NHSL3: variants seen among roughly 807,000 people sequenced by gnomAD.
NHSL3 encodes NHS like 3.
At chr1:32,771,420 A>G in the NHSL3 span, 1 of 1,307,616 alleles carries the variant, frequency 7.6e-7, no homozygotes, top group Non-Finnish European at 1.0e-6. Context: ...CTAAGAAGCC[A>G]GAGGTGGTTG....
At chr1:32,747,071 G>A in the NHSL3 span, among the ~76,000 whole-genome samples, 1 of 152,162 alleles carries the variant, frequency 6.6e-6, no homozygotes, top group African/African-American at 2.4e-5. Flanking sequence ...CTTTCATGGT[G>A]TGGAGTTGTG....
chr1:32,765,734 G>T, the NHSL3 span: 3 of 1,546,652 alleles, frequency 1.9e-6, no homozygotes, highest in Non-Finnish European at 2.6e-6. Flanking sequence ...GAGAGGCAGG[G>T]TGGGATAGGG....
chr1:32,755,419 T>A, the NHSL3 span, among the ~76,000 whole-genome samples: 2 of 152,066 alleles, frequency 1.3e-5, no homozygotes, highest in Admixed American at 6.6e-5. Context: ...GATGATCTCA[T>A]CGCTCCATGG....
chr1:32,774,038 C>T, the NHSL3 span: 1 of 152,576 alleles, frequency 6.6e-6, no homozygotes, highest in East Asian at 1.9e-4. Context: ...GGTGGTGGTC[C>T]CCTAGGTATC....
At chr1:32,756,473 C>CCT in the NHSL3 span, among the ~76,000 whole-genome samples, 11 of 102,832 alleles carry the variant, frequency 1.1e-4, 2 homozygotes, top group Admixed American at 8.2e-4. Flanking sequence ...TGACGAGACC[C>CCT]CCCCCCCCCG....
chr1:32,771,977 C>T, the NHSL3 span: 26 of 1,605,834 alleles, frequency 1.6e-5, no homozygotes, highest in South Asian at 1.2e-4. Context: ...CTCCATGCTG[C>T]GGTCCGACTC....
chr1:32,752,221 C>T, the NHSL3 span, among the ~76,000 whole-genome samples: 1 of 152,002 alleles, frequency 6.6e-6, no homozygotes, highest in African/African-American at 2.4e-5. Flanking sequence ...CTGTTGTCAA[C>T]CTGAGACTCT....
At chr1:32,765,758 G>A in the NHSL3 span, 2 of 1,547,452 alleles carry the variant, frequency 1.3e-6, no homozygotes, top group Non-Finnish European at 1.7e-6. Flanking sequence ...GTCTCGAGTG[G>A]CGCCCGCAGT....
the NHSL3 span, among the ~76,000 whole-genome samples, chr1:32,749,328 C>T: frequency 6.6e-6 from 1 of 152,138 alleles, no homozygotes; most frequent in Non-Finnish European, 1.5e-5. Flanking sequence ...ACCCGAAGGG[C>T]AGAGACTGGG....
At chr1:32,773,270 C>A in the NHSL3 span, 1 of 256,254 alleles carries the variant, frequency 3.9e-6, no homozygotes, top group Non-Finnish European at 7.7e-6. Context: ...ATACTATAGT[C>A]CAGAATCAAA....
chr1:32,752,135 C>T, the NHSL3 span, among the ~76,000 whole-genome samples: 4 of 152,158 alleles, frequency 2.6e-5, no homozygotes, highest in Non-Finnish European at 4.4e-5. Flanking sequence ...AAAGTGTACA[C>T]GCAGCTTGGT....
chr1:32,742,580 G>A, the NHSL3 span, among the ~76,000 whole-genome samples: 178 of 152,366 alleles, frequency 1.2e-3, no homozygotes, highest in African/African-American at 3.2e-3. Context: ...GTGGCCTTGG[G>A]TCTCTGGTGG....
the NHSL3 span, chr1:32,768,979 G>A: frequency 3.7e-4 from 217 of 585,268 alleles, no homozygotes; most frequent in African/African-American, 3.5e-3. Flanking sequence ...GGCCGGGTGC[G>A]GTGGCTCACG....
chr1:32,754,165 G>A, the NHSL3 span: 4 of 711,718 alleles, frequency 5.6e-6, no homozygotes, highest in Non-Finnish European at 1.0e-5. Context: ...CGGGCGGTCG[G>A]CGAAGCGGCC....
the NHSL3 span, among the ~76,000 whole-genome samples, chr1:32,758,913 CT>C: frequency 6.6e-6 from 1 of 152,126 alleles, no homozygotes; most frequent in South Asian, 2.1e-4. Flanking sequence ...GGGGTTAGGG[CT>C]GCCACATGGA....
chr1:32,743,114 T>TG, the NHSL3 span, among the ~76,000 whole-genome samples: 1 of 152,178 alleles, frequency 6.6e-6, no homozygotes, highest in African/African-American at 2.4e-5. Flanking sequence ...TTCCTTTTGA[T>TG]GGGGAGGGCT....
chr1:32,767,457 A>T, the NHSL3 span, among the ~76,000 whole-genome samples: 1 of 152,052 alleles, frequency 6.6e-6, no homozygotes, highest in East Asian at 1.9e-4. Flanking sequence ...GTTTATATAC[A>T]TGAATGACAT....
At chr1:32,769,559 CTACTT>C in the NHSL3 span, 1 of 839,546 alleles carries the variant, frequency 1.2e-6, no homozygotes, top group Non-Finnish European at 2.0e-6. Flanking sequence ...TTGCCCATAC[CTACTT>C]GACTGTGGAA....
the NHSL3 span, among the ~76,000 whole-genome samples, chr1:32,762,427 G>A: frequency 1.5e-5 from 2 of 137,728 alleles, no homozygotes; most frequent in South Asian, 4.8e-4. Flanking sequence ...AGTTATCAGG[G>A]GAATCTTTTT....
Sources: allele counts gnomAD v4.1 joint callset (sites outside exome capture counted in the v4.1 genomes callset), GRCh38; gene constraint gnomAD v4.1.1; transcripts MANE v1.5; gene names NCBI Gene and HGNC (gene_info 2026-07-23, HGNC 2026-07-21).